The following RABGAP1L variants were observed in gnomAD, a reference collection of about 807,000 sequenced individuals.
RABGAP1L encodes RAB GTPase activating protein 1 like, also known as rab GTPase-activating protein 1-like.
In RABGAP1L, 63 loss-of-function variants were observed where a neutral mutation model predicts 137.7. The ratio of observed to expected loss-of-function variants is 0.46; its 90% CI spans 0.37 to 0.56. The LOEUF is 0.56. RABGAP1L is among the 20% of genes least tolerant of loss of function. RABGAP1L has a pLI of 0.00. For synonymous variants in RABGAP1L, 431 were observed against 433.7 expected (o/e 0.99, Z 0.08); for missense variants, 1,095 against 1,244.0 (o/e 0.88, Z 1.80).
intron 13 of RABGAP1L, among the ~76,000 whole-genome samples, chr1:174,618,899 T>G (rs1322325288): frequency 1.3e-5 from 2 of 152,118 alleles, no homozygotes; most frequent in African/African-American, 2.4e-5. Flanking sequence ...TGAAAAAAAT[T>G]TAGACGAATG....
At chr1:174,167,206 GT>G (rs1263375323) in intron 1 of RABGAP1L, among the ~76,000 whole-genome samples, 2 of 150,318 alleles carry the variant, frequency 1.3e-5, no homozygotes, top group Admixed American at 6.6e-5. Context: ...TTCTGTTAAA[GT>G]TTTTTCCCCC....
intron 15 of RABGAP1L, 92 bp downstream of exon 15, chr1:174,683,688 T>C: frequency 2.0e-6 from 2 of 982,076 alleles, no homozygotes; most frequent in Non-Finnish European, 3.1e-6. Flanking sequence ...TTCCCATTTA[T>C]CTGATGGAGA....
At chr1:174,962,218 CAG>C (rs1318326280) in intron 20 of RABGAP1L, among the ~76,000 whole-genome samples, 1 of 133,666 alleles carries the variant, frequency 7.5e-6, no homozygotes, top group African/African-American at 2.9e-5. Context: ...CACACACACA[CAG>C]CTAGTTAATT....
At chr1:174,374,666 C>T (rs1472107881) in intron 12 of RABGAP1L, among the ~76,000 whole-genome samples, 3 of 152,118 alleles carry the variant, frequency 2.0e-5, no homozygotes, top group East Asian at 3.8e-4. Flanking sequence ...AAATACATTA[C>T]GCTTAAACTC....
At chr1:174,683,193 C>T (rs138599888) in intron 14 of RABGAP1L, among the ~76,000 whole-genome samples, 141 of 151,972 alleles carry the variant, frequency 9.3e-4, no homozygotes, top group African/African-American at 3.1e-3. Context: ...TACTCTCTCC[C>T]ACCCTTTGCC....
At chr1:174,881,516 T>A (rs1034197308) in intron 19 of RABGAP1L, among the ~76,000 whole-genome samples, 62 of 145,262 alleles carry the variant, frequency 4.3e-4, no homozygotes, top group African/African-American at 9.2e-4. Flanking sequence ...TTTTTTTTTT[T>A]AAATATGGAG....
chr1:174,612,636 A>G lies in RABGAP1L; in HGVS notation c.1711-24739A>G, dbSNP rs1399227902. Among the ~76,000 whole-genome samples the G allele has an allele frequency of 4.6e-5, 7 of 152,298 alleles. No homozygotes were observed. The East Asian group carries it at 1.4e-3, about 29-fold the overall frequency. ...GAATAGTTTCAGAAGGAATGGTACC[A>G]GTTACTCCTTGTACCTCTGGTAGAA... On this transcript the variant is annotated intron_variant, in intron 13 of 25. Coordinates refer to ENST00000681986, the MANE Select transcript of RABGAP1L (RefSeq NM_001366446.1).
chr1:174,890,868 A>T (rs940588111), intron 19 of RABGAP1L, among the ~76,000 whole-genome samples: 11 of 152,186 alleles, frequency 7.2e-5, no homozygotes, highest in African/African-American at 2.7e-4. Flanking sequence ...TAATATGTGT[A>T]ACCAACTCCC....
chr1:174,209,883 G>A (rs891613264), intron 1 of RABGAP1L, among the ~76,000 whole-genome samples: 1 of 152,196 alleles, frequency 6.6e-6, no homozygotes, highest in African/African-American at 2.4e-5. Context: ...CTCAGCCCCA[G>A]GTGGCACAGA....
chr1:174,291,904 T>A (rs1469987097), intron 10 of RABGAP1L, among the ~76,000 whole-genome samples: 1 of 151,728 alleles, frequency 6.6e-6, no homozygotes, highest in Admixed American at 6.6e-5. Context: ...TGGTTTGATT[T>A]TCTTATTTTT....
At chr1:174,899,441 G>C (rs1256057046) in intron 19 of RABGAP1L, among the ~76,000 whole-genome samples, 2 of 152,072 alleles carry the variant, frequency 1.3e-5, no homozygotes, top group Middle Eastern at 3.2e-3. Flanking sequence ...TAATTTTGTG[G>C]CTCTATCAAA....
intron 7 of RABGAP1L, among the ~76,000 whole-genome samples, chr1:174,269,395 C>T (rs913761811): frequency 1.2e-4 from 18 of 152,182 alleles, no homozygotes; most frequent in African/African-American, 4.3e-4. Context: ...ACTGACAGTC[C>T]TTGGCAGGCT....
rs1020327419 is a variant in RABGAP1L, at chr1:174,993,284, C to G, written c.*3283C>G. On this transcript the variant is annotated 3_prime_UTR_variant, in exon 26 of 26. Transcript: ENST00000681986. The stretch of plus-strand genomic sequence containing the variant: ...ATGCCATTCAACCAGTGTCTTCTGC[C>G]CCTCTCCCAGCTGTTAAATTAGTAC... The G allele has an allele frequency of 5.3e-5, 8 of 152,146 alleles. No homozygotes were observed. Among genetic ancestry groups the G allele is most frequent in the African/African-American group, 1.9e-4 (8 of 41,424 alleles). 9.4% of individuals were successfully genotyped at this position (152,146 alleles called of 1,614,324 possible). A position where few individuals can be genotyped will look rare whatever the true frequency, so the allele number is the denominator to read the frequency against.
intron 18 of RABGAP1L, among the ~76,000 whole-genome samples, chr1:174,774,121 G>T (rs979841910): frequency 4.6e-5 from 7 of 152,162 alleles, no homozygotes; most frequent in Non-Finnish European, 7.4e-5. Context: ...GTTTATGCAG[G>T]TTGAGAAAAG....
At chr1:174,493,701 G>C (rs1660476123) in intron 13 of RABGAP1L, among the ~76,000 whole-genome samples, 1 of 150,852 alleles carries the variant, frequency 6.6e-6, no homozygotes, top group African/African-American at 2.4e-5. Context: ...TGCACCTGTA[G>C]TTTCAGCTAC....
rs1655092805 is a variant in RABGAP1L at position 174,886,212 on chromosome 1, C to T, written c.2341-71245C>T. ...ATTTTAGTAGAGAGAGGGTTTCTCC[C>T]TGTTGGTCAGGCTGGTCTCGACCTC... On this transcript the variant is annotated intron_variant, in intron 19 of 25. Coordinates refer to ENST00000681986, the MANE Select transcript of RABGAP1L (RefSeq NM_001366446.1). Among the ~76,000 whole-genome samples the T allele has an allele frequency of 3.3e-5, 5 of 151,998 alleles. No individual in the cohort carries two copies. The South Asian group carries it at 1.0e-3, about 32-fold the overall frequency.
intron 7 of RABGAP1L, among the ~76,000 whole-genome samples, chr1:174,255,888 T>A (rs1459217270): frequency 6.6e-6 from 1 of 152,208 alleles, no homozygotes; most frequent in Non-Finnish European, 1.5e-5. Context: ...CCTGAACACT[T>A]TTAAGAGTGA....
chr1:174,987,999 C>T (rs1270833709), intron 24 of RABGAP1L, among the ~76,000 whole-genome samples: 7 of 152,016 alleles, frequency 4.6e-5, no homozygotes. Flanking sequence ...TTAGTAGAGA[C>T]GAGGTTTCAC....
intron 15 of RABGAP1L, among the ~76,000 whole-genome samples, chr1:174,695,418 C>G (rs1557992397): frequency 6.6e-6 from 1 of 152,006 alleles, no homozygotes. Context: ...TTAAGTTTGT[C>G]AGTTGAATTT....
Sources: allele counts gnomAD v4.1 joint callset (sites outside exome capture counted in the v4.1 genomes callset), GRCh38; gene constraint gnomAD v4.1.1; transcripts MANE v1.5; gene names NCBI Gene and HGNC (gene_info 2026-07-23, HGNC 2026-07-21).